The following ASIC2 variants were observed in gnomAD, a reference collection of about 807,000 sequenced individuals.
ASIC2 encodes acid-sensing ion channel 2.
In ASIC2, 25 loss-of-function variants were observed where a neutral mutation model predicts 57.3. The ratio of observed to expected loss-of-function variants is 0.44; its 90% CI spans 0.32 to 0.61. The LOEUF (loss-of-function observed/expected upper bound fraction) is 0.61. Among genes scored for constraint, ASIC2 ranks in the 20% least tolerant of loss-of-function variants. The pLI is 0.06. For missense variants in ASIC2, 641 were observed against 738.1 expected, an observed-to-expected ratio of 0.87 and a Z score of 1.52; for synonymous variants, 319 against 307.5, an observed-to-expected ratio of 1.04 and a Z score of -0.39.
At chr17:33,992,456 C>T (rs2142010558) in intron 1 of ASIC2, among the ~76,000 whole-genome samples, 1 of 152,310 alleles carries the variant, frequency 6.6e-6, no homozygotes, top group African/African-American at 2.4e-5. Context: ...GAATTTACTT[C>T]TTTCCTTCCA....
chr17:33,899,962 G>T (rs1215550806), intron 1 of ASIC2, among the ~76,000 whole-genome samples: 1 of 152,168 alleles, frequency 6.6e-6, no homozygotes, highest in Non-Finnish European at 1.5e-5. Context: ...TGAGTAAATG[G>T]TACAATATCT....
intron 1 of ASIC2, among the ~76,000 whole-genome samples, chr17:33,601,828 G>A (rs1905121181): frequency 6.6e-6 from 1 of 152,208 alleles, no homozygotes; most frequent in Admixed American, 6.5e-5. Context: ...TTGTGTGCCC[G>A]GGATGCAGGA....
At chr17:33,952,607 C>A (rs1186458780) in intron 1 of ASIC2, among the ~76,000 whole-genome samples, 3 of 152,114 alleles carry the variant, frequency 2.0e-5, no homozygotes, top group Non-Finnish European at 4.4e-5. Flanking sequence ...CCAAATACAG[C>A]CTCATTTGCA....
At chr17:33,935,206 C>T (rs1476443903) in intron 1 of ASIC2, among the ~76,000 whole-genome samples, 3 of 152,320 alleles carry the variant, frequency 2.0e-5, no homozygotes, top group Non-Finnish European at 4.4e-5. Context: ...TCTTTTCAGC[C>T]CCCAAACCTC....
Position 34,081,593 on chromosome 17 carries a change from T to A in ASIC2, c.555+74385A>T, listed in dbSNP as rs535001043. On this transcript the variant is annotated intron_variant, in intron 1 of 9. Coordinates refer to the ASIC2 transcript ENST00000359872. The stretch of plus-strand genomic sequence containing the variant: ...AGAACCCACCACCTCAAAATCCTTC[T>A]CAAAGGGAGGGAATGCATCCTTGAA... Among the ~76,000 whole-genome samples, 8 of 152,210 alleles carry A rather than the reference T, an allele frequency of 5.3e-5. No individual in the cohort carries two copies. In the East Asian group the frequency reaches 1.2e-3, roughly 22 times the overall value.
At chr17:33,813,702 C>T (rs567868389) in intron 1 of ASIC2, among the ~76,000 whole-genome samples, 31 of 152,364 alleles carry the variant, frequency 2.0e-4, no homozygotes, top group Admixed American at 7.2e-4. Flanking sequence ...TCCCAAAGTC[C>T]TGGGATTACA....
chr17:33,617,728 A>C (rs1905652437), intron 1 of ASIC2, among the ~76,000 whole-genome samples: 1 of 152,218 alleles, frequency 6.6e-6, no homozygotes, highest in African/African-American at 2.4e-5. Context: ...AATTTTTAAA[A>C]AACACAAAAT....
chr17:33,984,026 C>A (rs1905722263), intron 1 of ASIC2, among the ~76,000 whole-genome samples: 1 of 152,124 alleles, frequency 6.6e-6, no homozygotes, highest in Non-Finnish European at 1.5e-5. Flanking sequence ...GTTTTCAGAC[C>A]TTTTCATGCT....
chr17:34,100,341 C>T (rs569880675), intron 1 of ASIC2, among the ~76,000 whole-genome samples: 2 of 152,196 alleles, frequency 1.3e-5, no homozygotes, highest in African/African-American at 2.4e-5. Flanking sequence ...CAGATGCTAA[C>T]GTCCCGATTA....
At chr17:33,971,096 A>G (rs11080244) in intron 1 of ASIC2, among the ~76,000 whole-genome samples, 92,308 of 151,714 alleles carry the variant, frequency 0.61, 28,206 homozygotes, top group East Asian at 0.72. Flanking sequence ...CAATGCGCAC[A>G]CCACTCAAAG....
chr17:33,600,982 G>A (rs1284121848), intron 1 of ASIC2, among the ~76,000 whole-genome samples: 1 of 152,184 alleles, frequency 6.6e-6, no homozygotes, highest in Non-Finnish European at 1.5e-5. Context: ...TAGGAGTGAT[G>A]AACTAGGATA....
At chr17:33,497,162 C>A (rs1026624898) in intron 1 of ASIC2, among the ~76,000 whole-genome samples, 3 of 152,254 alleles carry the variant, frequency 2.0e-5, no homozygotes, top group Non-Finnish European at 2.9e-5. Flanking sequence ...GTCTCCACAG[C>A]ATCCATGTCC....
At chr17:33,269,886 G>C (rs766318819) in intron 1 of ASIC2, among the ~76,000 whole-genome samples, 1 of 152,146 alleles carries the variant, frequency 6.6e-6, no homozygotes, top group Non-Finnish European at 1.5e-5. Flanking sequence ...CACTTCTTTA[G>C]GGAGAGCAGA....
intron 1 of ASIC2, among the ~76,000 whole-genome samples, chr17:34,047,395 A>G (rs1395105449): frequency 6.7e-6 from 1 of 149,932 alleles, no homozygotes; most frequent in African/African-American, 2.5e-5. Context: ...ACCCCCTTTC[A>G]TATTTTAACC....
At position 33,815,279 on chromosome 17, in the gene ASIC2, C is replaced by T. The variant is rs955461473; in HGVS notation, c.555+340699G>A. On this transcript the variant is annotated intron_variant, in intron 1 of 9. Coordinates refer to the ASIC2 transcript ENST00000359872. ...CCTAGGAAACTGGCCAAGGAAAGGG[C>T]ACTTGTGGAGTCTACCCACTGGGTA... Among the ~76,000 whole-genome samples, 3 of 152,186 alleles carry T rather than the reference C, an allele frequency of 2.0e-5. No homozygotes were observed. The South Asian group carries it at 6.2e-4, about 32-fold the overall frequency.
At chr17:33,871,343 A>ATG (rs1914401075) in intron 1 of ASIC2, among the ~76,000 whole-genome samples, 1 of 152,194 alleles carries the variant, frequency 6.6e-6, no homozygotes, top group Admixed American at 6.5e-5. Flanking sequence ...CACTTGAAGA[A>ATG]ATAACACACA....
chr17:34,063,358 G>A (rs1434084905), intron 1 of ASIC2, among the ~76,000 whole-genome samples: 3 of 152,048 alleles, frequency 2.0e-5, no homozygotes, highest in Non-Finnish European at 4.4e-5. Context: ...CAGCATACAA[G>A]GGACATACCT....
At chr17:33,536,619 A>G (rs1053583022) in intron 1 of ASIC2, among the ~76,000 whole-genome samples, 25 of 152,220 alleles carry the variant, frequency 1.6e-4, no homozygotes, top group African/African-American at 5.8e-4. Context: ...CTTATCTTGC[A>G]TATATGACTG....
chr17:33,013,352 T>C lies in ASIC2; in HGVS notation c.*613A>G, dbSNP rs2091788111. On this transcript the variant is annotated 3_prime_UTR_variant, in exon 10 of 10. Transcript: ENST00000225823. Reference sequence around the variant, plus strand: ...GTGAACACAGGCGTCCCCCACCCGCTGGCTGCTGTGCCGCCGTCATAGGCA... The same window carrying C: ...GTGAACACAGGCGTCCCCCACCCGCCGGCTGCTGTGCCGCCGTCATAGGCA... The C allele has an allele frequency of 6.5e-6, 1 of 154,634 alleles. No individual in the cohort carries two copies. The highest frequency in any genetic ancestry group is 1.4e-5 in the Non-Finnish European group (1 of 69,424). The allele number at this position is 154,634 out of a possible 1,614,324, so 9.6% of individuals were successfully genotyped here.
Sources: allele counts gnomAD v4.1 joint callset (sites outside exome capture counted in the v4.1 genomes callset), GRCh38; gene constraint gnomAD v4.1.1; transcripts MANE v1.5; gene names NCBI Gene and HGNC (gene_info 2026-07-23, HGNC 2026-07-21).